HS3ST4: variants seen among roughly 807,000 people sequenced by gnomAD.
The protein encoded by HS3ST4 is heparan sulfate glucosamine 3-O-sulfotransferase 4.
A neutral mutation model predicts 29.2 loss-of-function variants in HS3ST4; 17 were observed. The observed-to-expected ratio is 0.58, with a 90% confidence interval of 0.40 to 0.87. HS3ST4 has a LOEUF of 0.87. Among genes scored for constraint, HS3ST4 ranks in the 40% least tolerant of loss-of-function variants. The pLI is 0.00. For missense variants in HS3ST4, 627 were observed against 634.5 expected, an observed-to-expected ratio of 0.99 and a Z score of 0.13; for synonymous variants, 314 against 285.7, an observed-to-expected ratio of 1.10 and a Z score of -1.00.
intron 1 of HS3ST4, among the ~76,000 whole-genome samples, chr16:25,892,811 A>G (rs1968023331): frequency 1.3e-5 from 2 of 152,062 alleles, no homozygotes; most frequent in African/African-American, 2.4e-5. Context: ...GATACTTAGT[A>G]GGGGCCCCTA....
At chr16:25,902,378 C>G (rs117248521) in intron 1 of HS3ST4, among the ~76,000 whole-genome samples, 51 of 152,142 alleles carry the variant, frequency 3.4e-4, no homozygotes, top group African/African-American at 1.2e-3. Context: ...CATCTGTGGT[C>G]TCAGCTACTC....
At chr16:25,844,732 A>G (rs1412083860) in intron 1 of HS3ST4, among the ~76,000 whole-genome samples, 9 of 152,226 alleles carry the variant, frequency 5.9e-5, no homozygotes, top group African/African-American at 9.6e-5. Context: ...AAATCATTCT[A>G]TTACAAAGAT....
intron 1 of HS3ST4, among the ~76,000 whole-genome samples, chr16:25,762,567 G>A (rs899385465): frequency 2.0e-5 from 3 of 152,016 alleles, no homozygotes; most frequent in African/African-American, 7.3e-5. Context: ...AATGCCAAAC[G>A]TGGCCAGGCA....
chr16:25,868,701 C>G (rs1052951312), intron 1 of HS3ST4, among the ~76,000 whole-genome samples: 2 of 152,188 alleles, frequency 1.3e-5, no homozygotes, highest in Non-Finnish European at 2.9e-5. Flanking sequence ...TTCGGACTGT[C>G]AACTAACCTA....
chr16:25,700,813 A>G (rs1256102122), intron 1 of HS3ST4, among the ~76,000 whole-genome samples: 1 of 152,252 alleles, frequency 6.6e-6, no homozygotes, highest in Non-Finnish European at 1.5e-5. Context: ...ATTAATTAAA[A>G]GAAGGTGGTT....
Position 25,925,275 on chromosome 16 carries a change from C to G in HS3ST4, c.735-210337C>G, listed in dbSNP as rs1001165701. On this transcript the variant is annotated intron_variant, in intron 1 of 1. Transcript: ENST00000331351. ...CTGGTGCCAGGGATCAAATCATCAT[C>G]AGCCAGCAACATTAGGTCACAGACT... Among the ~76,000 whole-genome samples, 4 of 151,664 alleles carry G rather than the reference C, an allele frequency of 2.6e-5. No homozygotes were observed. The South Asian group carries it at 6.3e-4, about 24-fold the overall frequency.
At chr16:25,960,375 G>A (rs1386357598) in intron 1 of HS3ST4, among the ~76,000 whole-genome samples, 1 of 152,142 alleles carries the variant, frequency 6.6e-6, no homozygotes, top group Non-Finnish European at 1.5e-5. Context: ...AAATGGACTA[G>A]TACAAGGTAC....
intron 1 of HS3ST4, among the ~76,000 whole-genome samples, chr16:25,829,267 TTTGGG>T (rs1447478648): frequency 6.6e-6 from 1 of 152,208 alleles, no homozygotes; most frequent in Non-Finnish European, 1.5e-5. Flanking sequence ...CCCTACATCC[TTTGGG>T]CAGCTTGCTG....
At chr16:26,017,277 C>A (rs1969371173) in intron 1 of HS3ST4, among the ~76,000 whole-genome samples, 1 of 152,210 alleles carries the variant, frequency 6.6e-6, no homozygotes, top group African/African-American at 2.4e-5. Context: ...AGGCTACTAA[C>A]ATGGTGATCT....
intron 1 of HS3ST4, among the ~76,000 whole-genome samples, chr16:25,971,760 C>T (rs1968901085): frequency 6.6e-6 from 1 of 152,114 alleles, no homozygotes; most frequent in African/African-American, 2.4e-5. Context: ...CCCGTCTCTA[C>T]TAAAAATACA....
At position 25,692,379 on chromosome 16, in the gene HS3ST4, T is replaced by C; in HGVS notation, c.-39T>C. On this transcript the variant is annotated 5_prime_UTR_variant, in exon 1 of 2. Coordinates refer to ENST00000331351, the MANE Select transcript of HS3ST4 (RefSeq NM_006040.3). ...ACCATGTCCGGGCAGCGCCGGGGGC[T>C]GCCGCCGCCGCCGCCGCCGCCGCGA... 3 of 477,826 alleles carry C rather than the reference T, an allele frequency of 6.3e-6. No individual in the cohort carries two copies. The highest frequency in any genetic ancestry group is 5.4e-6 in the Non-Finnish European group (2 of 371,964). The allele number at this position is 477,826 out of a possible 1,614,324, so 29.6% of individuals were successfully genotyped here. A position where few individuals can be genotyped will look rare whatever the true frequency, so the allele number is the denominator to read the frequency against.
At chr16:26,127,829 T>C (rs1899365528) in intron 1 of HS3ST4, among the ~76,000 whole-genome samples, 1 of 152,336 alleles carries the variant, frequency 6.6e-6, no homozygotes, top group South Asian at 2.1e-4. Context: ...CTAAAACATA[T>C]GTACCTGCCT....
intron 1 of HS3ST4, among the ~76,000 whole-genome samples, chr16:26,033,734 A>C (rs1244125712): frequency 1.3e-5 from 2 of 152,066 alleles, no homozygotes; most frequent in East Asian, 3.9e-4. Context: ...AAAGACGGAC[A>C]GAAAGACAGA....
Position 26,136,334 on chromosome 16 carries a change from C to A in HS3ST4, c.*86C>A. The A allele has an allele frequency of 7.8e-7, 1 of 1,280,012 alleles. No homozygotes were observed. Among genetic ancestry groups the A allele is most frequent in the Admixed American group, 2.5e-5 (1 of 40,024 alleles). The allele number at this position is 1,280,012 out of a possible 1,614,324, so 79.3% of individuals were successfully genotyped here. ...GAATACCCCAGCTTCTGCAGCTTCA[C>A]TTGCTGGAGTGCCAAGTAGATCTCC... On this transcript the variant is annotated 3_prime_UTR_variant, in exon 2 of 2. Coordinates refer to ENST00000331351, the MANE Select transcript of HS3ST4 (RefSeq NM_006040.3).
At chr16:25,912,686 T>C (rs550303946) in intron 1 of HS3ST4, among the ~76,000 whole-genome samples, 2 of 152,332 alleles carry the variant, frequency 1.3e-5, no homozygotes, top group South Asian at 4.1e-4. Flanking sequence ...GCGTGAGTCC[T>C]GGGTCGGCTT....
chr16:26,046,002 C>G (rs977538629), intron 1 of HS3ST4, among the ~76,000 whole-genome samples: 1 of 152,200 alleles, frequency 6.6e-6, no homozygotes, highest in East Asian at 1.9e-4. Flanking sequence ...GACCATAAAA[C>G]ATTTGCTTTC....
At position 26,089,068 on chromosome 16, in the gene HS3ST4, G is replaced by T. The variant is rs925106671; in HGVS notation, c.735-46544G>T. 4.6e-5 allele frequency among the ~76,000 whole-genome samples: 7 copies of T among 152,270 alleles called. No individual in the cohort carries two copies. In the South Asian group the frequency reaches 1.5e-3, roughly 32 times the overall value. On this transcript the variant is annotated intron_variant, in intron 1 of 1. Transcript: ENST00000331351. ...CCAGGGTTCCCACAAGGGTTAGTGG[G>T]GTGTGTGTGCACACGCACACATGCA...
In HS3ST4 at chr16:26,118,457, A is replaced by G. The variant is rs189620137; in HGVS notation, c.735-17155A>G. Among the ~76,000 whole-genome samples the G allele has an allele frequency of 2.9e-3, 446 of 152,306 alleles. 1 individual carries two copies. The highest frequency in any genetic ancestry group is 0.01 in the African/African-American group (426 of 41,564). On this transcript the variant is annotated intron_variant, in intron 1 of 1. Coordinates refer to ENST00000331351, the MANE Select transcript of HS3ST4 (RefSeq NM_006040.3). ...GTGATGGGCTAAATTAGCATCGTCT[A>G]ATGGAACTTTCTGTGATGATGAAAA...
At chr16:26,126,929 A>G (rs1419890919) in intron 1 of HS3ST4, among the ~76,000 whole-genome samples, 1 of 152,080 alleles carries the variant, frequency 6.6e-6, no homozygotes, top group African/African-American at 2.4e-5. Context: ...AGTCCACAAA[A>G]TAGAGAAACT....
Sources: gnomAD v4.1 joint callset for allele counts (sites outside exome capture counted in the v4.1 genomes callset) on GRCh38, gnomAD v4.1.1 for gene constraint, MANE v1.5 for transcripts, NCBI Gene and HGNC (gene_info 2026-07-23, HGNC 2026-07-21) for gene names.